GNAS: variants seen among roughly 807,000 people sequenced by gnomAD.
The protein encoded by GNAS is protein ALEX.
Under a neutral mutation model 54.5 loss-of-function variants are expected in GNAS, and 8 were observed. The ratio of observed to expected loss-of-function variants is 0.15; its 90% CI spans 0.09 to 0.26. The LOEUF (loss-of-function observed/expected upper bound fraction) is 0.26. Among genes scored for constraint, GNAS ranks in the 10% least tolerant of loss-of-function variants. The pLI, the probability that GNAS is intolerant of heterozygous loss-of-function variation, is 1.00. For synonymous variants in GNAS, 204 were observed against 191.4 expected (o/e 1.07, Z -0.54); for missense variants, 170 against 529.8 (o/e 0.32, Z 6.67).
At chr20:58,842,416 T>C in intron 1 of GNAS, 1 of 398,570 alleles carries the variant, frequency 2.5e-6, no homozygotes, top group Admixed American at 4.4e-5. Flanking sequence ...AAAAGGATGA[T>C]GATAGAAGGA....
At chr20:58,906,751 C>T (rs113524920) in intron 6 of GNAS, among the ~76,000 whole-genome samples, 1 of 152,056 alleles carries the variant, frequency 6.6e-6, no homozygotes, top group Non-Finnish European at 1.5e-5. Context: ...AGGCTGGTCT[C>T]GAACTCCTGA....
chr20:58,892,195 A>G (rs1385179152), intron 1 of GNAS: 3 of 970,530 alleles, frequency 3.1e-6, no homozygotes, highest in East Asian at 2.4e-4. Context: ...GGCCTACACG[A>G]CGCCAGGGGT....
intron 1 of GNAS, chr20:58,854,425 C>T: frequency 6.4e-7 from 1 of 1,570,842 alleles, no homozygotes; most frequent in Non-Finnish European, 8.6e-7. Context: ...GGGGCAGCCT[C>T]AGCGGATACC....
At chr20:58,879,844 G>A (rs2088106978) in intron 1 of GNAS, among the ~76,000 whole-genome samples, 1 of 152,136 alleles carries the variant, frequency 6.6e-6, no homozygotes, top group South Asian at 2.1e-4. Flanking sequence ...GAATTTAGAG[G>A]AAGCTGAAGG....
rs1432157237 is a variant in GNAS, at chr20:58,874,224, A to G, written c.44-21388A>G. Among the ~76,000 whole-genome samples the G allele has an allele frequency of 2.0e-5, 3 of 152,206 alleles. No homozygotes were observed. The East Asian group carries it at 5.8e-4, about 29-fold the overall frequency. ...TCCAGGAGGCACAGCCCAGAGGGTT[A>G]CTGGCCATGCTGAGGAGGCAGTCTT... On this transcript the variant is annotated intron_variant, in intron 1 of 12. Coordinates refer to the GNAS transcript ENST00000306090.
chr20:58,891,903 G>C (rs1477823401), intron 1 of GNAS, 38 bp downstream of exon 1: 2 of 1,021,940 alleles, frequency 2.0e-6, no homozygotes, highest in Non-Finnish European at 1.2e-6. Context: ...CGGCCCGGGG[G>C]CCCTCGAAGG....
In GNAS at chr20:58,883,788, GAGAGTT is replaced by G. The variant is rs540904982; in HGVS notation, c.44-11819_44-11814del. 3.2e-3 allele frequency among the ~76,000 whole-genome samples: 487 copies of G among 152,264 alleles called. 1 individual carries two copies. The highest frequency in any genetic ancestry group is 0.011 in the African/African-American group (470 of 41,550). On this transcript the variant is annotated intron_variant, in intron 1 of 12. Transcript: ENST00000306090. Reference sequence around the variant, plus strand: ...GGAAGGCTGCAGTGGCCTTGGGAAGGAGAGTTAGAGCCTGTACGAAAAGAGGGGGCA... The same window carrying G: ...GGAAGGCTGCAGTGGCCTTGGGAAGGAGAGCCTGTACGAAAAGAGGGGGCA...
At chr20:58,891,109 G>C (rs1444369663), upstream of GNAS, among the ~76,000 whole-genome samples, 4 of 146,488 alleles carry the variant, frequency 2.7e-5, no homozygotes, top group Non-Finnish European at 4.5e-5. Flanking sequence ...CGGCTCAGCC[G>C]GGCTGCTGCC....
chr20:58,905,985 T>C (rs1259088454), intron 6 of GNAS, among the ~76,000 whole-genome samples: 1 of 152,186 alleles, frequency 6.6e-6, no homozygotes, highest in Non-Finnish European at 1.5e-5. Flanking sequence ...TAGATCCTAG[T>C]GACTCTAGGT....
chr20:58,854,357 C>A (rs765192652), intron 1 of GNAS: 1 of 1,578,536 alleles, frequency 6.3e-7, no homozygotes, highest in Non-Finnish European at 8.6e-7. Flanking sequence ...TGGAAGGAGC[C>A]GCTGATGCCG....
chr20:58,854,294 A>G, intron 1 of GNAS: 3 of 1,607,298 alleles, frequency 1.9e-6, no homozygotes, highest in South Asian at 1.1e-5. Flanking sequence ...CCGGAGCCCC[A>G]GATAAGAGAG....
chr20:58,870,886 T>C (rs2087397496), intron 1 of GNAS, among the ~76,000 whole-genome samples: 1 of 152,214 alleles, frequency 6.6e-6, no homozygotes. Context: ...TAAAATGACA[T>C]CATAATATTA....
At chr20:58,858,810 T>A (rs1193573048) in intron 1 of GNAS, among the ~76,000 whole-genome samples, 1 of 152,164 alleles carries the variant, frequency 6.6e-6, no homozygotes, top group African/African-American at 2.4e-5. Context: ...CTCTCTTTTT[T>A]AACATACAGC....
Position 58,853,077 on chromosome 20 carries a change from C to T in GNAS, c.43+12191C>T. The T allele has an allele frequency of 2.9e-6, 4 of 1,392,054 alleles. No individual in the cohort carries two copies. The South Asian group carries it at 6.9e-5, about 24-fold the overall frequency. 86.2% of individuals were successfully genotyped at this position (1,392,054 alleles called of 1,614,324 possible). On this transcript the variant is annotated intron_variant, in intron 1 of 12. Coordinates refer to the GNAS transcript ENST00000306090. This position sits in a 1 kb window ranked among gnomAD's most constrained non-coding sequence, Gnocchi z 4.4. ...TCCACCAGCAACAATTGAGTTGCTT[C>T]AGCCTCAGTCTAGGGTTCCTTCCAG...
At chr20:58,904,357 T>TA (rs921226189) in intron 5 of GNAS, among the ~76,000 whole-genome samples, 2 of 151,964 alleles carry the variant, frequency 1.3e-5, no homozygotes, top group African/African-American at 4.8e-5. Context: ...TTCTCATTAT[T>TA]AAAAAAAATG....
chr20:58,905,750 C>G (rs2091000281), intron 6 of GNAS, among the ~76,000 whole-genome samples: 1 of 152,054 alleles, frequency 6.6e-6, no homozygotes, highest in Non-Finnish European at 1.5e-5. Flanking sequence ...CATAGTATTC[C>G]TAATTAGTAG....
chr20:58,892,173 C>G (rs1248979520), intron 1 of GNAS: 3 of 962,872 alleles, frequency 3.1e-6, no homozygotes, highest in African/African-American at 3.6e-5. Context: ...CTCTTTCTCT[C>G]TTTTTCCGCG....
rs1241889548 is a variant in GNAS, at chr20:58,853,868, G to A, written c.43+12982G>A. On this transcript the variant is annotated intron_variant, in intron 1 of 12. Coordinates refer to the GNAS transcript ENST00000306090. The surrounding 1 kb of genome is among the most constrained non-coding windows in gnomAD (Gnocchi z 4.4). ...GGGTCCCCGGAGCTCCTCCCGAGGA[G>A]CCCCAAGCCCTCAGGCCTGCAAAGG... 6.3e-7 allele frequency: 1 copy of A among 1,595,486 alleles called. No homozygotes were observed. The highest frequency in any genetic ancestry group is 1.8e-5 in the Admixed American group (1 of 56,692).
chr20:58,899,323 C>T (rs1454795739), intron 3 of GNAS, among the ~76,000 whole-genome samples: 2 of 152,186 alleles, frequency 1.3e-5, no homozygotes, highest in African/African-American at 2.4e-5. Context: ...GAACCAGCTG[C>T]TTGTTTTAAA....
Sources: allele counts gnomAD v4.1 joint callset (sites outside exome capture counted in the v4.1 genomes callset), GRCh38; gene constraint gnomAD v4.1.1; non-coding constraint Gnocchi (gnomAD v3.1); transcripts MANE v1.5; gene names NCBI Gene and HGNC (gene_info 2026-07-23, HGNC 2026-07-21).